HYCC1: variants seen among roughly 807,000 people sequenced by gnomAD.
HYCC1 encodes the protein hyccin.
the HYCC1 span, among the ~76,000 whole-genome samples, chr7:22,967,191 G>A: frequency 6.6e-6 from 1 of 152,176 alleles, no homozygotes; most frequent in Non-Finnish European, 1.5e-5. Context: ...ATCTAATCAT[G>A]GAGACTGTGT....
At chr7:22,942,719 G>A in the HYCC1 span, 2 of 152,108 alleles carry the variant, frequency 1.3e-5, no homozygotes, top group Non-Finnish European at 2.9e-5. Context: ...GGAGATCTGT[G>A]ACCATCAGCA....
chr7:22,963,248 A>C, the HYCC1 span, among the ~76,000 whole-genome samples: 1 of 152,360 alleles, frequency 6.6e-6, no homozygotes, highest in African/African-American at 2.4e-5. Flanking sequence ...GATGACCTAA[A>C]TGTTGAAGTT....
At chr7:22,928,245 A>C in the HYCC1 span, among the ~76,000 whole-genome samples, 1 of 152,212 alleles carries the variant, frequency 6.6e-6, no homozygotes, top group South Asian at 2.1e-4. Context: ...AATGGACAAA[A>C]ACTGGAAGCA....
At chr7:22,990,527 T>A in the HYCC1 span, among the ~76,000 whole-genome samples, 1 of 152,192 alleles carries the variant, frequency 6.6e-6, no homozygotes, top group Non-Finnish European at 1.5e-5. Context: ...ATTAGCTGAT[T>A]AAAGAAATAC....
the HYCC1 span, among the ~76,000 whole-genome samples, chr7:22,898,893 G>A: frequency 5.9e-5 from 9 of 152,142 alleles, no homozygotes; most frequent in African/African-American, 1.7e-4. Flanking sequence ...GAACCACCCC[G>A]CCCGGCTGGT....
the HYCC1 span, chr7:22,946,883 A>G: frequency 7.7e-7 from 1 of 1,292,094 alleles, no homozygotes; most frequent in African/African-American, 1.5e-5. Context: ...GGATTAGATT[A>G]CATGCAAAAT....
chr7:22,949,779 T>C, the HYCC1 span, among the ~76,000 whole-genome samples: 19 of 152,016 alleles, frequency 1.2e-4, no homozygotes, highest in African/African-American at 4.6e-4. Context: ...CAAGAAGTAA[T>C]GATATTACAT....
chr7:22,987,278 G>A, the HYCC1 span, among the ~76,000 whole-genome samples: 4 of 152,234 alleles, frequency 2.6e-5, no homozygotes, highest in Admixed American at 2.6e-4. Context: ...CAAGCGCGGT[G>A]GCTCACGCCT....
chr7:22,956,201 A>T, the HYCC1 span, among the ~76,000 whole-genome samples: 1 of 151,782 alleles, frequency 6.6e-6, no homozygotes, highest in Admixed American at 6.6e-5. Flanking sequence ...TTGAAAATCT[A>T]TGTTTGAAAA....
chr7:22,947,480 C>T, the HYCC1 span, among the ~76,000 whole-genome samples: 12 of 151,976 alleles, frequency 7.9e-5, no homozygotes, highest in Non-Finnish European at 1.5e-4. Flanking sequence ...CATCAATTCA[C>T]GTTCTGCATT....
the HYCC1 span, among the ~76,000 whole-genome samples, chr7:23,007,362 C>G: frequency 6.6e-6 from 1 of 152,096 alleles, no homozygotes; most frequent in African/African-American, 2.4e-5. Flanking sequence ...TGGTGGACGA[C>G]TGTCTTAACC....
the HYCC1 span, among the ~76,000 whole-genome samples, chr7:22,972,464 T>A: frequency 6.6e-6 from 1 of 152,158 alleles, no homozygotes. Flanking sequence ...TGGGAGAGAA[T>A]TCAACTTAAT....
chr7:22,924,438 G>T, the HYCC1 span, among the ~76,000 whole-genome samples: 1 of 152,196 alleles, frequency 6.6e-6, no homozygotes, highest in African/African-American at 2.4e-5. Context: ...CCTAGTCAAA[G>T]AAAGGGGTGA....
chr7:22,907,104 C>CAAAAAAAAAAAAAAAAAAAAAAA, the HYCC1 span, among the ~76,000 whole-genome samples: 1 of 43,540 alleles, frequency 2.3e-5, no homozygotes, highest in African/African-American at 9.8e-5. Context: ...GACTCTATCT[C>CAAAAAAAAAAAAAAAAAAAAAAA]AAAAAAAAAA....
chr7:22,924,195 A>AAAAG, the HYCC1 span, among the ~76,000 whole-genome samples: 452 of 136,606 alleles, frequency 3.3e-3, 3 homozygotes, highest in Middle Eastern at 7.8e-3. Context: ...AAAAAAAAAA[A>AAAAG]GGGGGGTGGA....
chr7:22,938,350 A>T, the HYCC1 span: 3 of 152,132 alleles, frequency 2.0e-5, no homozygotes, highest in African/African-American at 7.2e-5. Flanking sequence ...GCTAATCCCA[A>T]TCAGTTCCCT....
At chr7:22,977,389 T>G in the HYCC1 span, 1 of 1,596,228 alleles carries the variant, frequency 6.3e-7, no homozygotes. Flanking sequence ...TAAAACTCAA[T>G]ACTTTGGTAT....
chr7:22,995,588 A>G, the HYCC1 span, among the ~76,000 whole-genome samples: 1 of 152,194 alleles, frequency 6.6e-6, no homozygotes, highest in South Asian at 2.1e-4. Context: ...AAGCAACAGA[A>G]CAAGTAATGT....
the HYCC1 span, among the ~76,000 whole-genome samples, chr7:22,910,219 G>A: frequency 6.6e-6 from 1 of 152,202 alleles, no homozygotes; most frequent in African/African-American, 2.4e-5. Flanking sequence ...GCAGGTCATA[G>A]GGGCAGATCT....
Sources: allele counts gnomAD v4.1 joint callset (sites outside exome capture counted in the v4.1 genomes callset), GRCh38; gene constraint gnomAD v4.1.1; transcripts MANE v1.5; gene names NCBI Gene and HGNC (gene_info 2026-07-23, HGNC 2026-07-21).